Variants in CCNL1 observed in about 807,000 individuals in gnomAD.
CCNL1 encodes the protein cyclin L1, also known as cyclin-L1.
Under a neutral mutation model 60.6 loss-of-function variants are expected in CCNL1, and 13 were observed. The ratio of observed to expected loss-of-function variants is 0.21; its 90% CI spans 0.14 to 0.34. The LOEUF is 0.34. Among genes scored for constraint, CCNL1 ranks in the 10% least tolerant of loss-of-function variants. The pLI, the probability that CCNL1 is intolerant of heterozygous loss-of-function variation, is 1.00. For synonymous variants in CCNL1, 270 were observed against 244.3 expected (o/e 1.10, Z -0.98); for missense variants, 481 against 664.3 (o/e 0.72, Z 3.03).
At chr3:157,152,055 CAA>C in intron 5 of CCNL1, 120 bp downstream of exon 5, 1 of 1,484,110 alleles carries the variant, frequency 6.7e-7, no homozygotes, top group Non-Finnish European at 8.9e-7. Context: ...AAAAACAAAA[CAA>C]AAAAACAACG....
At chr3:157,146,958 A>C (rs1011952270), downstream of CCNL1, among the ~76,000 whole-genome samples, 1 of 152,206 alleles carries the variant, frequency 6.6e-6, no homozygotes, top group African/African-American at 2.4e-5. Flanking sequence ...AATCTCCTTC[A>C]AAGTAGTTGC....
At chr3:157,147,110 T>A (rs1276536225), downstream of CCNL1, among the ~76,000 whole-genome samples, 2 of 152,226 alleles carry the variant, frequency 1.3e-5, no homozygotes, top group Non-Finnish European at 2.9e-5. Flanking sequence ...TGTGGGTGTA[T>A]TTTATTTCTT....
Position 157,147,973 on chromosome 3 carries a change from T to C in CCNL1, c.*268A>G. 8.5e-7 allele frequency: 1 copy of C among 1,180,018 alleles called. No homozygotes were observed. The highest frequency in any genetic ancestry group is 1.0e-6 in the Non-Finnish European group (1 of 954,726). The allele number at this position is 1,180,018 out of a possible 1,614,324, so 73.1% of individuals were successfully genotyped here. ...ATTTTTACAGAATTCACGCTCCAGT[T>C]CTTATAGCAATAAACAATACACAAC... On this transcript the variant is annotated 3_prime_UTR_variant, in exon 11 of 11. Transcript: ENST00000295926.
chr3:157,152,704 T>C (rs1215738267), intron 4 of CCNL1: 1 of 1,123,722 alleles, frequency 8.9e-7, no homozygotes, highest in Non-Finnish European at 1.1e-6. Context: ...GTGTGCCAGA[T>C]ACTTTTGTAG....
Position 157,147,626 on chromosome 3 carries a change from A to G in CCNL1, c.*615T>C. On this transcript the variant is annotated 3_prime_UTR_variant, in exon 11 of 11. Transcript: ENST00000295926. ...CGACTCCCATTTACTTTTTCCATAT[A>G]TACAGTGAAGACTTACAATAGCTCA... 1.0e-6 allele frequency: 1 copy of G among 985,340 alleles called. No homozygotes were observed. Among genetic ancestry groups the G allele is most frequent in the Non-Finnish European group, 1.2e-6 (1 of 829,830 alleles). The allele number at this position is 985,340 out of a possible 1,614,324, so 61.0% of individuals were successfully genotyped here.
Position 157,160,122 on chromosome 3 carries a change from A to T in CCNL1, c.-28T>A. The T allele has an allele frequency of 6.5e-7, 1 of 1,528,016 alleles. No homozygotes were observed. Among genetic ancestry groups the T allele is most frequent in the South Asian group, 1.2e-5 (1 of 83,820 alleles). 94.7% of individuals were successfully genotyped at this position (1,528,016 alleles called of 1,614,324 possible). A position where few individuals can be genotyped will look rare whatever the true frequency, so the allele number is the denominator to read the frequency against. On this transcript the variant is annotated 5_prime_UTR_variant, in exon 1 of 11. In the 5' UTR this introduces an upstream ATG that the reference lacks. Transcript: ENST00000295926. Reference sequence around the variant, plus strand: ...TCTTAGCGAGCCGCACGCAAGCCCAACGCAGCCGGAACCCGAAACAAGACT... The same window carrying T: ...TCTTAGCGAGCCGCACGCAAGCCCATCGCAGCCGGAACCCGAAACAAGACT...
intron 3 of CCNL1, chr3:157,153,488 T>C (rs1251792250): frequency 5.4e-6 from 1 of 185,540 alleles, no homozygotes; most frequent in African/African-American, 2.4e-5. Flanking sequence ...GCATGATTTG[T>C]CATCACAAAC....
At chr3:157,148,805 A>G (rs984172003) in intron 10 of CCNL1, 1 of 525,506 alleles carries the variant, frequency 1.9e-6, no homozygotes, top group Non-Finnish European at 3.3e-6. Context: ...TTCCAAGGGG[A>G]GTAATTAGCA....
At chr3:157,150,838 A>C (rs1738133634) in intron 5 of CCNL1, 2 of 987,428 alleles carry the variant, frequency 2.0e-6, no homozygotes, top group Admixed American at 1.2e-4. Flanking sequence ...ACAGGGGTAA[A>C]AAGGCATTTT....
chr3:157,145,335 G>A (rs1737746571), downstream of CCNL1, among the ~76,000 whole-genome samples: 1 of 150,978 alleles, frequency 6.6e-6, no homozygotes, highest in Non-Finnish European at 1.5e-5. Context: ...CTACTCAGGA[G>A]GCTGAGGCAG....
downstream of CCNL1, among the ~76,000 whole-genome samples, chr3:157,143,388 T>A (rs568795411): frequency 9.9e-5 from 15 of 152,282 alleles, no homozygotes; most frequent in African/African-American, 2.9e-4. Flanking sequence ...CATGCCCATA[T>A]GAAAGACAAG....
intron 3 of CCNL1, chr3:157,158,645 T>G: frequency 2.4e-6 from 1 of 411,998 alleles, no homozygotes; most frequent in Non-Finnish European, 4.4e-6. Flanking sequence ...GGATTGTCCA[T>G]AAATGCAACT....
intron 3 of CCNL1, among the ~76,000 whole-genome samples, chr3:157,156,117 T>G (rs1022517166): frequency 3.3e-5 from 5 of 152,188 alleles, no homozygotes; most frequent in Non-Finnish European, 7.4e-5. Context: ...GTTTCATTTA[T>G]GTGTTACAAA....
Position 157,159,833 on chromosome 3 carries a change from C to T in CCNL1, c.262G>A (p.Glu88Lys), listed in dbSNP as rs1283074344. 1.9e-6 allele frequency: 3 copies of T among 1,549,148 alleles called. No homozygotes were observed. The highest frequency in any genetic ancestry group is 2.6e-6 in the Non-Finnish European group (3 of 1,143,664). The change falls in exon 1 of 11, where the codon GAG becomes AAG. Residue 88 changes from glutamate to lysine, a missense_variant. Glu to Lys is a moderately conservative substitution (Grantham distance 56). Transcript: ENST00000295926. ...AGAATGCCGGCGGCCTGGATGAGCT[C>T]GCAGCCCAGGATGCGTAAGTCCGTC... ...SETDLRILGCELIQAAGILLR... is the reference protein window; with the variant it reads ...SETDLRILGCKLIQAAGILLR...
chr3:157,151,697 A>T, intron 5 of CCNL1: 1 of 1,003,856 alleles, frequency 1.0e-6, no homozygotes, highest in Non-Finnish European at 1.2e-6. Context: ...TTACAAGTAT[A>T]CATTAAATAC....
In CCNL1 at chr3:157,148,274, G is replaced by A. The variant is rs1480356661; in HGVS notation, c.1548C>T (p.Gly516=). The part of the protein sequence containing the change: ...ERSHKSKHHG[G]SRSGHGRHRR Reference sequence around the variant, plus strand: ...TGTGCCTGCCATGTCCTGAGCGACTGCCACCATGGTGCTTGCTTTTATGGG... The same window carrying A: ...TGTGCCTGCCATGTCCTGAGCGACTACCACCATGGTGCTTGCTTTTATGGG... Residue 516 remains glycine (G), a synonymous_variant, in exon 11 of 11, where the codon GGC becomes GGT. Coordinates refer to ENST00000295926, the MANE Select transcript of CCNL1 (RefSeq NM_020307.4). 1.2e-6 allele frequency: 2 copies of A among 1,614,022 alleles called. No individual in the cohort carries two copies. The highest frequency in any genetic ancestry group is 1.3e-5 in the African/African-American group (1 of 74,924).
At position 157,159,853 on chromosome 3, in the gene CCNL1, T is replaced by A; in HGVS notation, c.242A>T (p.Asp81Val). The A allele has an allele frequency of 1.3e-6, 2 of 1,572,234 alleles. No homozygotes were observed. The highest frequency in any genetic ancestry group is 1.7e-6 in the Non-Finnish European group (2 of 1,157,936). ...QDGLDLPSET[D>V]LRILGCELIQ... ...GAGCTCGCAGCCCAGGATGCGTAAGTCCGTCTCACTGGGCAGGTCGAGCCC... is the reference window on the plus strand; with the variant it reads ...GAGCTCGCAGCCCAGGATGCGTAAGACCGTCTCACTGGGCAGGTCGAGCCC... The change falls in exon 1 of 11, where the codon GAC becomes GTC. Residue 81 changes from aspartate (D) to valine (V), a missense_variant. Coordinates refer to ENST00000295926, the MANE Select transcript of CCNL1 (RefSeq NM_020307.4).
At chr3:157,159,682 G>T in intron 1 of CCNL1, 110 bp downstream of exon 1, 2 of 1,161,484 alleles carry the variant, frequency 1.7e-6, no homozygotes, top group Non-Finnish European at 2.4e-6. Flanking sequence ...GAACGGGAAA[G>T]CCTGAAGGAA....
At chr3:157,157,881 T>C (rs1738745557) in intron 3 of CCNL1, among the ~76,000 whole-genome samples, 1 of 152,218 alleles carries the variant, frequency 6.6e-6, no homozygotes, top group Non-Finnish European at 1.5e-5. Context: ...ATTCAGCCAA[T>C]AAGGACTACT....
Sources: allele counts gnomAD v4.1 joint callset (sites outside exome capture counted in the v4.1 genomes callset), GRCh38; gene constraint gnomAD v4.1.1; transcripts MANE v1.5; gene names NCBI Gene and HGNC (gene_info 2026-07-23, HGNC 2026-07-21).